WDR70: variants seen among roughly 807,000 people sequenced by gnomAD.
WDR70 encodes WD repeat domain 70, also known as WD repeat-containing protein 70.
In WDR70, 53 loss-of-function variants were observed where a neutral mutation model predicts 88.6. The observed-to-expected ratio is 0.60, with a 90% confidence interval of 0.48 to 0.75. The LOEUF (loss-of-function observed/expected upper bound fraction) is 0.75, where lower values mean the gene tolerates loss of function less well. Ranked by LOEUF, WDR70 falls within the 30% of genes least tolerant of loss-of-function variation. The probability of loss-of-function intolerance (pLI) is 0.00; values close to 1 mark genes in which losing one functional copy is unlikely to be tolerated. For synonymous variants in WDR70, 280 were observed against 270.0 expected (o/e 1.04, Z -0.36); for missense variants, 610 against 823.2 (o/e 0.74, Z 3.17).
chr5:37,490,648 G>A (rs924989902), intron 8 of WDR70, among the ~76,000 whole-genome samples: 3 of 152,102 alleles, frequency 2.0e-5, no homozygotes, highest in Admixed American at 6.5e-5. Flanking sequence ...GGGAGAGCCT[G>A]CCCTTAGAGC....
At chr5:37,610,989 T>A (rs1292197938) in intron 10 of WDR70, among the ~76,000 whole-genome samples, 1 of 152,160 alleles carries the variant, frequency 6.6e-6, no homozygotes, top group Non-Finnish European at 1.5e-5. Context: ...TAATTTGATA[T>A]AATGAAGGAA....
intron 8 of WDR70, among the ~76,000 whole-genome samples, chr5:37,508,772 T>C (rs1740635317): frequency 6.6e-6 from 1 of 152,184 alleles, no homozygotes; most frequent in Admixed American, 6.5e-5. Flanking sequence ...TTGATTTTGG[T>C]ATCAGGGTGA....
At chr5:37,701,290 G>A in intron 12 of WDR70, 148 bp downstream of exon 12, 1 of 554,356 alleles carries the variant, frequency 1.8e-6, no homozygotes, top group Non-Finnish European at 3.1e-6. Flanking sequence ...TGAAAAATAT[G>A]TATTTTTTTT....
chr5:37,596,235 A>G (rs1363605625), intron 9 of WDR70, among the ~76,000 whole-genome samples: 1 of 152,132 alleles, frequency 6.6e-6, no homozygotes, highest in East Asian at 1.9e-4. Flanking sequence ...AATAATAGAG[A>G]GGCACTTTGT....
intron 15 of WDR70, chr5:37,724,485 TGG>T (rs1747911989): frequency 6.4e-6 from 1 of 155,120 alleles, no homozygotes; most frequent in African/African-American, 2.4e-5. Flanking sequence ...TCCTGAGAGG[TGG>T]TCACATTTCA....
rs373402851 is a variant in WDR70, at chr5:37,752,599, A to T, written c.*26A>T. The T allele has an allele frequency of 1.2e-5, 18 of 1,558,016 alleles. No homozygotes were observed. Among genetic ancestry groups the T allele is most frequent in the Non-Finnish European group, 1.4e-5 (16 of 1,133,422 alleles). On this transcript the variant is annotated 3_prime_UTR_variant, in exon 18 of 18. Transcript: ENST00000265107. ...AGAATCTCATTTGAGAGCTGTTTGC[A>T]TGAGTGGGAGGGGTATGGGACAGGT...
At chr5:37,664,155 C>T (rs1337964761) in intron 10 of WDR70, among the ~76,000 whole-genome samples, 8 of 152,190 alleles carry the variant, frequency 5.3e-5, no homozygotes. Flanking sequence ...CTTGACTCAT[C>T]CTCCCTGTCT....
At chr5:37,434,152 G>A (rs1267867232) in intron 5 of WDR70, among the ~76,000 whole-genome samples, 2 of 152,176 alleles carry the variant, frequency 1.3e-5, no homozygotes, top group African/African-American at 4.8e-5. Flanking sequence ...AGGGTGGCAA[G>A]ACAGAGTGCG....
intron 9 of WDR70, among the ~76,000 whole-genome samples, chr5:37,581,313 G>C (rs979269546): frequency 1.3e-5 from 2 of 152,278 alleles, no homozygotes; most frequent in South Asian, 4.1e-4. Context: ...CTATGGGCAA[G>C]AGACTGTATT....
At chr5:37,575,463 C>T (rs887739506) in intron 9 of WDR70, among the ~76,000 whole-genome samples, 2 of 152,166 alleles carry the variant, frequency 1.3e-5, no homozygotes, top group African/African-American at 4.8e-5. Flanking sequence ...ACATTTGGAA[C>T]TTTAAGCTCT....
intron 5 of WDR70, among the ~76,000 whole-genome samples, chr5:37,418,894 G>A (rs1054548636): frequency 1.3e-5 from 2 of 152,040 alleles, no homozygotes; most frequent in African/African-American, 4.8e-5. Flanking sequence ...CTCCTGGGTA[G>A]CTGGGATTAC....
intron 9 of WDR70, among the ~76,000 whole-genome samples, chr5:37,554,108 CTTTTTTT>C (rs75489460): frequency 1.5e-5 from 2 of 134,438 alleles, no homozygotes; most frequent in African/African-American, 2.8e-5. Flanking sequence ...TGCAATACTC[CTTTTTTT>C]TTTTTTTTTT....
At chr5:37,596,063 G>T (rs1229633815) in intron 9 of WDR70, among the ~76,000 whole-genome samples, 1 of 152,080 alleles carries the variant, frequency 6.6e-6, no homozygotes, top group Non-Finnish European at 1.5e-5. Context: ...TTTCTTCTCC[G>T]CTTTATTTGG....
chr5:37,752,632 T>G lies in WDR70; in HGVS notation c.*59T>G, dbSNP rs1307710990. 8.2e-7 allele frequency: 1 copy of G among 1,213,612 alleles called. No individual in the cohort carries two copies. Among genetic ancestry groups the G allele is most frequent in the Non-Finnish European group, 1.2e-6 (1 of 855,692 alleles). The allele number at this position is 1,213,612 out of a possible 1,614,324, so 75.2% of individuals were successfully genotyped here. A position where few individuals can be genotyped will look rare whatever the true frequency, so the allele number is the denominator to read the frequency against. ...GAGGGGTATGGGACAGGTTTGGGTT[T>G]TTTTTTTATGCTCATGAAATTAAAA... On this transcript the variant is annotated 3_prime_UTR_variant, in exon 18 of 18. Coordinates refer to ENST00000265107, the MANE Select transcript of WDR70 (RefSeq NM_018034.4).
At chr5:37,742,122 T>A (rs1251092663) in intron 17 of WDR70, among the ~76,000 whole-genome samples, 1 of 152,198 alleles carries the variant, frequency 6.6e-6, no homozygotes, top group Admixed American at 6.5e-5. Context: ...AATTGCTGGA[T>A]CACATGGCAG....
intron 8 of WDR70, among the ~76,000 whole-genome samples, chr5:37,497,212 C>G (rs1190565432): frequency 6.8e-6 from 1 of 146,752 alleles, no homozygotes; most frequent in South Asian, 2.2e-4. Context: ...CGTCCTCCCT[C>G]CATCCTCCTC....
At chr5:37,534,825 T>A (rs763105555) in intron 9 of WDR70, among the ~76,000 whole-genome samples, 4 of 152,290 alleles carry the variant, frequency 2.6e-5, no homozygotes, top group Non-Finnish European at 5.9e-5. Context: ...GGATCAGGAA[T>A]CTTTAATTGT....
intron 10 of WDR70, among the ~76,000 whole-genome samples, chr5:37,690,124 C>T (rs538418431): frequency 5.3e-5 from 8 of 152,002 alleles, no homozygotes; most frequent in South Asian, 2.1e-4. Flanking sequence ...GATAGAAGAT[C>T]GCATTAATGA....
At chr5:37,503,256 C>CT (rs33999680) in intron 8 of WDR70, among the ~76,000 whole-genome samples, 2,586 of 148,362 alleles carry the variant, frequency 0.017, 66 homozygotes, top group African/African-American at 0.061. Context: ...CTTTTCTTAT[C>CT]TTTTTTTTTT....
Sources: gnomAD v4.1 joint callset for allele counts (sites outside exome capture counted in the v4.1 genomes callset) on GRCh38, gnomAD v4.1.1 for gene constraint, MANE v1.5 for transcripts, NCBI Gene and HGNC (gene_info 2026-07-23, HGNC 2026-07-21) for gene names.